Variants in SHLD1 observed in about 807,000 individuals in gnomAD.
The protein encoded by SHLD1 is shieldin complex subunit 1.
SHLD1 carries 3 observed loss-of-function variants against 5.5 expected under a neutral mutation model. The observed-to-expected ratio is 0.54, with a 90% CI of 0.25 to 1.40. SHLD1 has a LOEUF of 1.40. Ranked by LOEUF, SHLD1 falls within the 40% of genes most tolerant of loss-of-function variation. SHLD1 has a pLI of 0.15. For missense variants in SHLD1, 210 were observed against 244.4 expected (o/e 0.86, Z 0.94); for synonymous variants, 92 against 94.3 (o/e 0.98, Z 0.14).
At chr20:5,839,860 G>T (rs1202287991) in intron 2 of SHLD1, among the ~76,000 whole-genome samples, 1 of 152,176 alleles carries the variant, frequency 6.6e-6, no homozygotes. Flanking sequence ...TCGAAGCCTG[G>T]GAATGGATGT....
chr20:5,808,444 CT>C (rs2087413841), intron 2 of SHLD1, among the ~76,000 whole-genome samples: 1 of 152,170 alleles, frequency 6.6e-6, no homozygotes, highest in Admixed American at 6.5e-5. Flanking sequence ...GCACGTATAT[CT>C]TTTTTTCTAA....
intron 2 of SHLD1, among the ~76,000 whole-genome samples, chr20:5,794,675 T>C (rs778439524): frequency 1.2e-4 from 18 of 152,218 alleles, no homozygotes; most frequent in Non-Finnish European, 1.6e-4. Flanking sequence ...TGTTCCTATG[T>C]TGTATTCTAC....
chr20:5,770,586 C>T (rs1985100942), intron 1 of SHLD1, among the ~76,000 whole-genome samples: 1 of 152,222 alleles, frequency 6.6e-6, no homozygotes, highest in African/African-American at 2.4e-5. Flanking sequence ...TCAGGCAAGC[C>T]TTTAAAATCA....
chr20:5,778,725 G>A (rs1396187954), intron 2 of SHLD1, among the ~76,000 whole-genome samples: 2 of 152,126 alleles, frequency 1.3e-5, no homozygotes, highest in Non-Finnish European at 2.9e-5. Context: ...AAGCCCAGCC[G>A]TTCTGTTATT....
chr20:5,805,548 A>G (rs1326083818), intron 2 of SHLD1, among the ~76,000 whole-genome samples: 1 of 152,196 alleles, frequency 6.6e-6, no homozygotes, highest in Non-Finnish European at 1.5e-5. Flanking sequence ...TGGGGCAGAC[A>G]ACAAAATAGG....
intron 2 of SHLD1, among the ~76,000 whole-genome samples, chr20:5,830,797 G>T (rs533465672): frequency 2.2e-4 from 33 of 151,918 alleles, no homozygotes; most frequent in African/African-American, 8.0e-4. Flanking sequence ...GTGCTGTTCT[G>T]TTTCTTGATC....
At chr20:5,762,769 C>T (rs761671426) in intron 1 of SHLD1, among the ~76,000 whole-genome samples, 1 of 151,430 alleles carries the variant, frequency 6.6e-6, no homozygotes, top group Non-Finnish European at 1.5e-5. Context: ...GGTTAGGAAA[C>T]AGAGACCATC....
chr20:5,791,563 C>CAAAAAAAA, intron 2 of SHLD1, among the ~76,000 whole-genome samples: 1 of 61,022 alleles, frequency 1.6e-5, no homozygotes, highest in Non-Finnish European at 2.9e-5. Context: ...GACCCTGTCT[C>CAAAAAAAA]AAAAAAAAAA....
At chr20:5,794,260 C>T (rs1054504608) in intron 2 of SHLD1, among the ~76,000 whole-genome samples, 2 of 152,130 alleles carry the variant, frequency 1.3e-5, no homozygotes, top group Admixed American at 6.6e-5. Flanking sequence ...GAGTGAGACA[C>T]CTGGAGCTGA....
At chr20:5,757,961 T>TGGCC (rs1984216270) in intron 1 of SHLD1, among the ~76,000 whole-genome samples, 2 of 152,166 alleles carry the variant, frequency 1.3e-5, no homozygotes, top group African/African-American at 2.4e-5. Context: ...AGGTCCATGT[T>TGGCC]AGAGTATGAT....
chr20:5,755,805 C>T (rs1351916622), intron 1 of SHLD1, among the ~76,000 whole-genome samples: 1 of 152,150 alleles, frequency 6.6e-6, no homozygotes, highest in Non-Finnish European at 1.5e-5. Context: ...GTGATCCGCC[C>T]ACCTCGGCTT....
intron 2 of SHLD1, among the ~76,000 whole-genome samples, chr20:5,779,754 T>G (rs1267152828): frequency 6.6e-6 from 1 of 152,132 alleles, no homozygotes; most frequent in African/African-American, 2.4e-5. Context: ...TGGTATTTAC[T>G]CAGTGAGGCA....
rs141055776 is a variant in SHLD1 at position 5,842,072 on chromosome 20, G to A, written c.179-20952G>A. Among the ~76,000 whole-genome samples, 373 of 152,332 alleles carry A rather than the reference G, an allele frequency of 2.4e-3. 3 individuals carry two copies. The highest frequency in any genetic ancestry group is 8.5e-3 in the African/African-American group (354 of 41,582). ...TTGCATAACTGGCTTATTATGGAAT[G>A]AAACTTTCAGAAACAAAATATAGAG... On this transcript the variant is annotated intron_variant, in intron 2 of 2. Transcript: ENST00000303142.
At chr20:5,795,706 G>T (rs2087202416) in intron 2 of SHLD1, among the ~76,000 whole-genome samples, 1 of 151,990 alleles carries the variant, frequency 6.6e-6, no homozygotes. Flanking sequence ...TATTGGCCGG[G>T]TGTGGTGGCT....
intron 2 of SHLD1, among the ~76,000 whole-genome samples, chr20:5,779,487 C>T (rs1985591020): frequency 6.6e-6 from 1 of 152,204 alleles, no homozygotes; most frequent in East Asian, 1.9e-4. Context: ...CTCTTGCCGA[C>T]ATTTTAATCT....
chr20:5,829,590 T>A (rs1048872206), intron 2 of SHLD1, among the ~76,000 whole-genome samples: 2 of 152,236 alleles, frequency 1.3e-5, no homozygotes, highest in Non-Finnish European at 2.9e-5. Context: ...AGCCATGTTG[T>A]AACAGGTTTT....
intron 2 of SHLD1, among the ~76,000 whole-genome samples, chr20:5,820,056 T>C (rs1249864253): frequency 4.6e-5 from 7 of 152,230 alleles, no homozygotes; most frequent in Admixed American, 3.3e-4. Context: ...CAAGTGATTA[T>C]CCCGCCTCAG....
intron 2 of SHLD1, among the ~76,000 whole-genome samples, chr20:5,840,014 CT>C (rs1224030196): frequency 2.0e-5 from 3 of 152,270 alleles, no homozygotes; most frequent in Non-Finnish European, 4.4e-5. Flanking sequence ...AACTGTGAGA[CT>C]TTTAATTCCT....
At chr20:5,836,328 T>C (rs1357604264) in intron 2 of SHLD1, among the ~76,000 whole-genome samples, 1 of 152,248 alleles carries the variant, frequency 6.6e-6, no homozygotes, top group Non-Finnish European at 1.5e-5. Flanking sequence ...TGATTTTCCA[T>C]GTCTGATGTC....
Sources: gnomAD v4.1 joint callset for allele counts (sites outside exome capture counted in the v4.1 genomes callset) on GRCh38, gnomAD v4.1.1 for gene constraint, MANE v1.5 for transcripts, NCBI Gene and HGNC (gene_info 2026-07-23, HGNC 2026-07-21) for gene names.